The following PRKG1 variants were observed in gnomAD, a reference collection of about 807,000 sequenced individuals.
The protein encoded by PRKG1 is cGMP-dependent protein kinase 1.
A neutral mutation model predicts 88.1 loss-of-function variants in PRKG1; 35 were observed. The ratio of observed to expected loss-of-function variants is 0.40; its 90% CI spans 0.30 to 0.53. PRKG1 has a LOEUF of 0.53. Among genes scored for constraint, PRKG1 ranks in the 20% least tolerant of loss-of-function variants. PRKG1 has a pLI of 0.59. For missense variants in PRKG1, 540 were observed against 839.8 expected, an observed-to-expected ratio of 0.64 and a Z score of 4.41; for synonymous variants, 303 against 292.5, an observed-to-expected ratio of 1.04 and a Z score of -0.37.
intron 2 of PRKG1, among the ~76,000 whole-genome samples, chr10:51,281,427 T>A (rs1308947657): frequency 6.6e-6 from 1 of 152,200 alleles, no homozygotes; most frequent in Non-Finnish European, 1.5e-5. Context: ...ATCCTGCACC[T>A]GGCTCAGAGG....
chr10:51,738,122 G>A (rs1837339464), intron 3 of PRKG1, among the ~76,000 whole-genome samples: 1 of 152,022 alleles, frequency 6.6e-6, no homozygotes, highest in Non-Finnish European at 1.5e-5. Flanking sequence ...AGCAAATTTG[G>A]GGGAAATGAA....
chr10:51,210,351 C>T (rs531964390), intron 2 of PRKG1, among the ~76,000 whole-genome samples: 5,242 of 152,014 alleles, frequency 0.034, 294 homozygotes, highest in African/African-American at 0.12. Context: ...TAAATGCCCA[C>T]AAGAGAAAGC....
At chr10:51,138,085 A>G (rs555362843) in intron 1 of PRKG1, among the ~76,000 whole-genome samples, 3 of 152,316 alleles carry the variant, frequency 2.0e-5, no homozygotes, top group Admixed American at 6.5e-5. Context: ...ACTCCTCATT[A>G]TGTTTTCAAA....
At chr10:52,128,100 T>C in intron 7 of PRKG1, 1 of 985,378 alleles carries the variant, frequency 1.0e-6, no homozygotes, top group Admixed American at 6.1e-5. Flanking sequence ...GAATTTGCTT[T>C]GTGCTGTGTG....
chr10:51,185,693 A>C (rs973870977), intron 2 of PRKG1, among the ~76,000 whole-genome samples: 5 of 152,002 alleles, frequency 3.3e-5, no homozygotes, highest in Non-Finnish European at 5.9e-5. Context: ...CTAAGTCTTT[A>C]AACACTATTT....
At chr10:51,403,381 C>A (rs886125037) in intron 2 of PRKG1, among the ~76,000 whole-genome samples, 6 of 152,090 alleles carry the variant, frequency 3.9e-5, no homozygotes, top group African/African-American at 1.4e-4. Flanking sequence ...GATTAGATTT[C>A]TTTGAAGAAA....
intron 3 of PRKG1, among the ~76,000 whole-genome samples, chr10:51,766,159 G>C (rs958789153): frequency 3.3e-5 from 5 of 152,078 alleles, no homozygotes; most frequent in Admixed American, 2.6e-4. Flanking sequence ...AGTTTAATAA[G>C]TGAAAAAAGA....
intron 5 of PRKG1, among the ~76,000 whole-genome samples, chr10:52,028,573 G>C (rs1845401954): frequency 6.6e-6 from 1 of 152,160 alleles, no homozygotes; most frequent in South Asian, 2.1e-4. Context: ...TGTATAACAT[G>C]TGCCTAAGGT....
chr10:52,212,938 A>G (rs1840017622), intron 9 of PRKG1, among the ~76,000 whole-genome samples: 1 of 152,192 alleles, frequency 6.6e-6, no homozygotes, highest in Non-Finnish European at 1.5e-5. Context: ...TTTTGTCATA[A>G]CAAGTTAGAT....
rs1353373722 is a variant in PRKG1, at chr10:51,511,351, A to G, written c.592+43515A>G. Among the ~76,000 whole-genome samples, 5 of 152,300 alleles carry G rather than the reference A, an allele frequency of 3.3e-5. No homozygotes were observed. The East Asian group carries it at 7.7e-4, about 24-fold the overall frequency. On this transcript the variant is annotated intron_variant, in intron 3 of 17. Coordinates refer to ENST00000373980, the MANE Select transcript of PRKG1 (RefSeq NM_006258.4). ...AAAGGAAAGACTGAAACATTAGACT[A>G]CATTAAAATTAAGGACTTCTATTAT... is the stretch of plus-strand genomic sequence containing the variant.
chr10:52,106,412 C>T (rs960739272), intron 7 of PRKG1, among the ~76,000 whole-genome samples: 11 of 152,128 alleles, frequency 7.2e-5, no homozygotes, highest in Admixed American at 1.3e-4. Context: ...TACGTACTAC[C>T]TCTGGCAACC....
chr10:51,234,253 T>C (rs1433658005), intron 2 of PRKG1, among the ~76,000 whole-genome samples: 1 of 152,136 alleles, frequency 6.6e-6, no homozygotes, highest in East Asian at 1.9e-4. Flanking sequence ...TCTTTCTGTG[T>C]CAGACAATTT....
chr10:51,336,256 C>A (rs10996937), intron 2 of PRKG1, among the ~76,000 whole-genome samples: 1 of 151,746 alleles, frequency 6.6e-6, no homozygotes, highest in Non-Finnish European at 1.5e-5. Flanking sequence ...AGGAGGCTGA[C>A]GCAGGAGAAT....
chr10:51,812,702 A>T (rs923518392), intron 4 of PRKG1, among the ~76,000 whole-genome samples: 3 of 152,138 alleles, frequency 2.0e-5, no homozygotes, highest in African/African-American at 7.2e-5. Context: ...CATGTCACGA[A>T]CCAATTCGAG....
At chr10:51,433,004 A>G (rs929942861) in intron 2 of PRKG1, among the ~76,000 whole-genome samples, 2 of 152,178 alleles carry the variant, frequency 1.3e-5, no homozygotes, top group Non-Finnish European at 2.9e-5. Context: ...TCTTTACAGT[A>G]TGGACATTTT....
At chr10:51,570,532 C>T (rs2132166925) in intron 3 of PRKG1, among the ~76,000 whole-genome samples, 1 of 151,840 alleles carries the variant, frequency 6.6e-6, no homozygotes, top group Non-Finnish European at 1.5e-5. Context: ...GGAAGAAAAT[C>T]CATGAATAAA....
In PRKG1 at chr10:52,054,532, G is replaced by A. The variant is rs1243480113; in HGVS notation, c.811G>A (p.Asp271Asn). 6.2e-7 allele frequency: 1 copy of A among 1,613,730 alleles called. No homozygotes were observed. The highest frequency in any genetic ancestry group is 8.5e-7 in the Non-Finnish European group (1 of 1,179,900). The change falls in exon 6 of 18, where the codon GAC (aspartate) becomes AAC (asparagine). Residue 271 changes from aspartate (D) to asparagine (N), a missense_variant. Asp to Asn is a conservative substitution (Grantham distance 23). Coordinates refer to ENST00000373980, the MANE Select transcript of PRKG1 (RefSeq NM_006258.4). ...EYIIRQGARGDTFFIISKGTV... is the reference protein window; with the variant it reads ...EYIIRQGARGNTFFIISKGTV... ...TATTATCAGGCAAGGTGCAAGAGGG[G>A]ACACCTTCTTTATCATCAGCAAAGG...
At chr10:51,918,847 AT>A (rs11316175) in intron 5 of PRKG1, among the ~76,000 whole-genome samples, 53,985 of 151,462 alleles carry the variant, frequency 0.36, 10,127 homozygotes, top group Non-Finnish European at 0.41. Context: ...ATTTTCAACT[AT>A]TTTTTTTTCT....
At chr10:52,097,043 A>T (rs780671403) in intron 7 of PRKG1, among the ~76,000 whole-genome samples, 1 of 152,142 alleles carries the variant, frequency 6.6e-6, no homozygotes, top group Non-Finnish European at 1.5e-5. Flanking sequence ...TAAAAATCAG[A>T]TAGATTAAAT....
Sources: allele counts gnomAD v4.1 joint callset (sites outside exome capture counted in the v4.1 genomes callset), GRCh38; gene constraint gnomAD v4.1.1; transcripts MANE v1.5; gene names NCBI Gene and HGNC (gene_info 2026-07-23, HGNC 2026-07-21).